Variants in CNTN5 observed in about 807,000 individuals in gnomAD.
The protein encoded by CNTN5 is contactin-5.
A neutral mutation model predicts 129.1 loss-of-function variants in CNTN5; 77 were observed. That is an observed-to-expected ratio of 0.60 (90% CI 0.50 to 0.72). CNTN5 has a LOEUF of 0.72. CNTN5 is among the 30% of genes least tolerant of loss of function. The probability of loss-of-function intolerance (pLI) is 0.00; values close to 1 mark genes in which losing one functional copy is unlikely to be tolerated. For synonymous variants in CNTN5, 509 were observed against 465.6 expected, an observed-to-expected ratio of 1.09 and a Z score of -1.20; for missense variants, 1,478 against 1,328.8, an observed-to-expected ratio of 1.11 and a Z score of -1.75.
At position 99,390,710 on chromosome 11, in the gene CNTN5, A is replaced by G. The variant is rs375540499; in HGVS notation, c.-71+65226A>G. On this transcript the variant is annotated intron_variant, in intron 2 of 24. Transcript: ENST00000524871. ...CTTAAATAAACTGAAATAAGCCAAT[A>G]AACTTCGAACATTCCTGGCTACATT... is the stretch of plus-strand genomic sequence containing the variant. Among the ~76,000 whole-genome samples, 38 of 152,268 alleles carry G rather than the reference A, an allele frequency of 2.5e-4. No homozygotes were observed. The East Asian group carries it at 5.2e-3, about 21-fold the overall frequency.
In CNTN5 at chr11:99,738,615, A is replaced by AAGTGTGTG. The variant is rs201365714; in HGVS notation, c.56-80929_56-80928insAGTGTGTG. Among the ~76,000 whole-genome samples the AAGTGTGTG allele has an allele frequency of 9.5e-3, 1,081 of 113,572 alleles. 11 individuals carry two copies. Among genetic ancestry groups the AAGTGTGTG allele is most frequent in the African/African-American group, 0.033 (1,024 of 31,120 alleles). The allele number at this position is 113,572 out of a possible 152,430, so 74.5% of individuals were successfully genotyped here. ...AAAATGATACATTCATAAGACAGTAACGTGTGTGTGTGTGTGTGTGTGTGT... is the reference window on the plus strand; with the variant it reads ...AAAATGATACATTCATAAGACAGTAAAGTGTGTGCGTGTGTGTGTGTGTGTGTGTGTGT... On this transcript the variant is annotated intron_variant, in intron 3 of 24. Transcript: ENST00000524871.
At chr11:100,032,805 A>G (rs1210722575) in intron 9 of CNTN5, among the ~76,000 whole-genome samples, 21 of 152,160 alleles carry the variant, frequency 1.4e-4, no homozygotes. Context: ...AATAGGTATA[A>G]TCAGTATAAA....
intron 10 of CNTN5, among the ~76,000 whole-genome samples, chr11:100,066,254 C>G (rs1046327775): frequency 1.6e-4 from 24 of 152,094 alleles, no homozygotes; most frequent in Non-Finnish European, 1.6e-4. Flanking sequence ...CATGGTAGCA[C>G]TAGAATTTGA....
intron 3 of CNTN5, among the ~76,000 whole-genome samples, chr11:99,803,803 C>A (rs1192198884): frequency 6.6e-6 from 1 of 152,080 alleles, no homozygotes; most frequent in Non-Finnish European, 1.5e-5. Flanking sequence ...TGAGCTACGT[C>A]CCGTTACAGT....
chr11:99,582,840 T>G (rs1288269687), intron 3 of CNTN5, among the ~76,000 whole-genome samples: 1 of 152,242 alleles, frequency 6.6e-6, no homozygotes. Context: ...AGTCATTCCC[T>G]GTCCAGCTTT....
rs528155629 is a variant in CNTN5 at position 99,238,736 on chromosome 11, A to AATGT, written c.-209-86607_-209-86604dup. Among the ~76,000 whole-genome samples, 317 of 152,244 alleles carry AATGT rather than the reference A, an allele frequency of 2.1e-3. 2 individuals carry two copies. The highest frequency in any genetic ancestry group is 7.3e-3 in the African/African-American group (303 of 41,568). On this transcript the variant is annotated intron_variant, in intron 1 of 24. Coordinates refer to ENST00000524871, the MANE Select transcript of CNTN5 (RefSeq NM_014361.4). Reference sequence around the variant, plus strand: ...CTTGGAAATGGTAAAATTGATCATAAATGTATTCTATCTACATACAAGTGC... The same window carrying AATGT: ...CTTGGAAATGGTAAAATTGATCATAAATGTATGTATTCTATCTACATACAAGTGC...
chr11:99,204,633 A>C (rs934280597), intron 1 of CNTN5, among the ~76,000 whole-genome samples: 1 of 152,168 alleles, frequency 6.6e-6, no homozygotes, highest in Non-Finnish European at 1.5e-5. Context: ...AACACCTGTG[A>C]TCAGTGTGCA....
At chr11:100,279,492 C>T (rs1213237746) in intron 18 of CNTN5, among the ~76,000 whole-genome samples, 1 of 151,634 alleles carries the variant, frequency 6.6e-6, no homozygotes, top group Non-Finnish European at 1.5e-5. Context: ...TTCAATCACA[C>T]ATTATCGATC....
chr11:99,659,526 A>G (rs1468444309), intron 3 of CNTN5, among the ~76,000 whole-genome samples: 4 of 152,182 alleles, frequency 2.6e-5, no homozygotes, highest in Non-Finnish European at 5.9e-5. Context: ...ATATAGACAG[A>G]TTTATTATAA....
chr11:99,294,477 A>G (rs1435838549), intron 1 of CNTN5, among the ~76,000 whole-genome samples: 1 of 152,230 alleles, frequency 6.6e-6, no homozygotes, highest in Non-Finnish European at 1.5e-5. Flanking sequence ...GAAGATCTCT[A>G]TAATAAAACC....
chr11:99,593,194 G>A (rs1591331127), intron 3 of CNTN5, among the ~76,000 whole-genome samples: 1 of 152,064 alleles, frequency 6.6e-6, no homozygotes, highest in South Asian at 2.1e-4. Context: ...AAATCCAAAT[G>A]CATATTTTAG....
At chr11:99,942,789 G>T (rs900210208) in intron 7 of CNTN5, among the ~76,000 whole-genome samples, 1 of 152,066 alleles carries the variant, frequency 6.6e-6, no homozygotes, top group South Asian at 2.1e-4. Context: ...TTGGTTTTCT[G>T]TTCCTGTGTT....
At chr11:100,103,699 T>TC (rs1229249661) in intron 13 of CNTN5, among the ~76,000 whole-genome samples, 6 of 152,262 alleles carry the variant, frequency 3.9e-5, no homozygotes, top group Admixed American at 1.3e-4. Context: ...AAGAGAAGAA[T>TC]CTATTCTAAT....
At chr11:99,799,625 A>G (rs1591205445) in intron 3 of CNTN5, among the ~76,000 whole-genome samples, 1 of 152,104 alleles carries the variant, frequency 6.6e-6, no homozygotes, top group East Asian at 1.9e-4. Context: ...ACTTTTTGAT[A>G]AGCTGTAGGA....
intron 2 of CNTN5, among the ~76,000 whole-genome samples, chr11:99,496,281 A>G (rs1208366908): frequency 6.6e-6 from 1 of 152,172 alleles, no homozygotes; most frequent in African/African-American, 2.4e-5. Flanking sequence ...GATTTATTTT[A>G]TTTATTTATT....
intron 13 of CNTN5, among the ~76,000 whole-genome samples, chr11:100,075,990 C>T (rs1056969497): frequency 2.6e-5 from 4 of 152,176 alleles, no homozygotes; most frequent in East Asian, 1.9e-4. Flanking sequence ...AAGAATTTCT[C>T]ATTCTTAGGT....
intron 4 of CNTN5, among the ~76,000 whole-genome samples, chr11:99,830,723 A>C (rs1030632378): frequency 6.6e-6 from 1 of 152,134 alleles, no homozygotes; most frequent in Non-Finnish European, 1.5e-5. Flanking sequence ...AAACTTTATG[A>C]CTTTATTCTG....
At chr11:99,784,374 C>A (rs1489967083) in intron 3 of CNTN5, among the ~76,000 whole-genome samples, 1 of 151,890 alleles carries the variant, frequency 6.6e-6, no homozygotes, top group Non-Finnish European at 1.5e-5. Flanking sequence ...TTTTCACCTC[C>A]CATTTATGAG....
intron 1 of CNTN5, among the ~76,000 whole-genome samples, chr11:99,031,222 A>G (rs1001742306): frequency 1.3e-5 from 2 of 152,168 alleles, no homozygotes; most frequent in Non-Finnish European, 2.9e-5. Context: ...TCCAAAAATG[A>G]CATCTAGATA....
Sources: gnomAD v4.1 joint callset for allele counts (sites outside exome capture counted in the v4.1 genomes callset) on GRCh38, gnomAD v4.1.1 for gene constraint, MANE v1.5 for transcripts, NCBI Gene and HGNC (gene_info 2026-07-23, HGNC 2026-07-21) for gene names.